Variants in LHCGR observed in about 807,000 individuals in gnomAD.
LHCGR encodes the protein luteinizing hormone/choriogonadotropin receptor.
A neutral mutation model predicts 60.7 loss-of-function variants in LHCGR; 55 were observed. That is an observed-to-expected ratio of 0.91 (90% CI 0.73 to 1.13). The LOEUF (loss-of-function observed/expected upper bound fraction) is 1.13. LHCGR is among the 50% of genes most tolerant of loss of function. LHCGR has a pLI of 0.00. For synonymous variants in LHCGR, 337 were observed against 316.5 expected (o/e 1.06, Z -0.69); for missense variants, 862 against 836.0 (o/e 1.03, Z -0.38).
intron 8 of LHCGR, among the ~76,000 whole-genome samples, chr2:48,699,068 C>G (rs1558820377): frequency 6.6e-6 from 1 of 152,102 alleles, no homozygotes; most frequent in Non-Finnish European, 1.5e-5. Context: ...TCGTGATCCG[C>G]CCACCTCGGC....
At chr2:48,746,558 C>T (rs776610823) in intron 1 of LHCGR, among the ~76,000 whole-genome samples, 3 of 152,224 alleles carry the variant, frequency 2.0e-5, no homozygotes, top group Non-Finnish European at 4.4e-5. Flanking sequence ...TGACTCTCCT[C>T]TAAGACAGCC....
At chr2:48,727,119 G>C (rs909235080) in intron 3 of LHCGR, among the ~76,000 whole-genome samples, 1 of 152,108 alleles carries the variant, frequency 6.6e-6, no homozygotes, top group Non-Finnish European at 1.5e-5. Context: ...TGGGATGGAA[G>C]GGACTTTTAT....
intron 2 of LHCGR, among the ~76,000 whole-genome samples, chr2:48,729,492 T>C (rs866274799): frequency 1.3e-5 from 2 of 152,316 alleles, no homozygotes; most frequent in South Asian, 4.1e-4. Flanking sequence ...CTTATTTATC[T>C]CTGACTCAGA....
Position 48,708,543 on chromosome 2 carries a change from C to T in LHCGR, c.680+405G>A, listed in dbSNP as rs549267933. Among the ~76,000 whole-genome samples the T allele has an allele frequency of 1.9e-4, 3 of 15,462 alleles. No homozygotes were observed. The Admixed American group carries it at 2.2e-3, about 11-fold the overall frequency. The allele number at this position is 15,462 out of a possible 152,430, so 10.1% of individuals were successfully genotyped here. A position where few individuals can be genotyped will look rare whatever the true frequency, so the allele number is the denominator to read the frequency against. ...TATTAAAAGGGGCAATTTGGAGATA[C>T]CCACCCACACACACACACACACACA... On this transcript the variant is annotated intron_variant, in intron 8 of 10. Transcript: ENST00000294954.
chr2:48,721,779 G>A (rs1668509105), intron 6 of LHCGR: 3 of 470,940 alleles, frequency 6.4e-6, no homozygotes, highest in Non-Finnish European at 1.3e-5. Flanking sequence ...TTTGCCATGG[G>A]CTGTAACCAA....
intron 1 of LHCGR, among the ~76,000 whole-genome samples, chr2:48,741,564 A>T (rs1669454695): frequency 6.6e-6 from 1 of 151,838 alleles, no homozygotes; most frequent in South Asian, 2.1e-4. Flanking sequence ...AGAATTTTCA[A>T]CCCAGAATTT....
At chr2:48,691,387 G>A (rs914077796) in intron 10 of LHCGR, among the ~76,000 whole-genome samples, 2 of 152,148 alleles carry the variant, frequency 1.3e-5, no homozygotes, top group Admixed American at 6.5e-5. Context: ...ACAGAAGACC[G>A]CATAGGAACC....
At chr2:48,750,160 G>A (rs1421308930) in intron 1 of LHCGR, among the ~76,000 whole-genome samples, 2 of 152,176 alleles carry the variant, frequency 1.3e-5, no homozygotes, top group Admixed American at 6.5e-5. Context: ...ATTTAGGAAA[G>A]CTGAGGGTAG....
chr2:48,701,390 T>G (rs922966119), intron 8 of LHCGR, among the ~76,000 whole-genome samples: 3 of 152,198 alleles, frequency 2.0e-5, no homozygotes. Flanking sequence ...TTCCCTTCTT[T>G]GCTCCCTCTG....
At chr2:48,749,652 A>G (rs2103734452) in intron 1 of LHCGR, among the ~76,000 whole-genome samples, 1 of 152,058 alleles carries the variant, frequency 6.6e-6, no homozygotes, top group East Asian at 1.9e-4. Context: ...GGGCTTAGGA[A>G]GAAGATAGAG....
chr2:48,695,259 T>C (rs563826646), intron 9 of LHCGR, among the ~76,000 whole-genome samples: 3 of 152,330 alleles, frequency 2.0e-5, no homozygotes, highest in African/African-American at 7.2e-5. Context: ...TTTACTCTGT[T>C]GATAGTTTCT....
intron 9 of LHCGR, among the ~76,000 whole-genome samples, chr2:48,695,230 C>G (rs961131848): frequency 6.6e-6 from 1 of 151,942 alleles, no homozygotes; most frequent in Non-Finnish European, 1.5e-5. Context: ...ATATTGTTTC[C>G]CATCCTGTAG....
At chr2:48,747,169 A>C (rs1340784297) in intron 1 of LHCGR, among the ~76,000 whole-genome samples, 4 of 151,628 alleles carry the variant, frequency 2.6e-5, no homozygotes, top group Non-Finnish European at 5.9e-5. Context: ...GGTTCACTGC[A>C]ACCTCTGTCT....
intron 1 of LHCGR, among the ~76,000 whole-genome samples, chr2:48,748,478 A>C (rs1016222903): frequency 1.3e-5 from 2 of 152,200 alleles, no homozygotes; most frequent in African/African-American, 4.8e-5. Flanking sequence ...AAAAGGCCAG[A>C]AATTAGACTC....
At chr2:48,751,836 A>G (rs978393597) in intron 1 of LHCGR, among the ~76,000 whole-genome samples, 8 of 152,242 alleles carry the variant, frequency 5.3e-5, no homozygotes, top group Non-Finnish European at 1.2e-4. Context: ...AACAAAATCT[A>G]AAAGTTTAAT....
chr2:48,720,163 T>C (rs1386635796), intron 6 of LHCGR: 3 of 152,200 alleles, frequency 2.0e-5, no homozygotes. Flanking sequence ...AATGTCCCTG[T>C]CATTAGAAAA....
chr2:48,752,981 C>CGGGGGG (rs60837194), intron 1 of LHCGR, among the ~76,000 whole-genome samples: 8 of 7,578 alleles, frequency 1.1e-3, no homozygotes, highest in Non-Finnish European at 1.6e-3. Flanking sequence ...CGGATTTTGG[C>CGGGGGG]GGGGGGGGGG....
chr2:48,732,354 A>G (rs779398977), intron 1 of LHCGR, among the ~76,000 whole-genome samples: 12 of 152,222 alleles, frequency 7.9e-5, no homozygotes, highest in East Asian at 1.9e-4. Flanking sequence ...TAACATGTCT[A>G]TGCAGCAGAG....
At chr2:48,753,298 C>A (rs1049940229) in intron 1 of LHCGR, among the ~76,000 whole-genome samples, 51 of 152,202 alleles carry the variant, frequency 3.4e-4, no homozygotes, top group Non-Finnish European at 2.9e-4. Flanking sequence ...GCTTAACATG[C>A]ACCTCTCTTG....
Sources: allele counts gnomAD v4.1 joint callset (sites outside exome capture counted in the v4.1 genomes callset), GRCh38; gene constraint gnomAD v4.1.1; transcripts MANE v1.5; gene names NCBI Gene and HGNC (gene_info 2026-07-23, HGNC 2026-07-21).